Variants in PAIP1 observed in about 807,000 individuals in gnomAD.
The protein encoded by PAIP1 is poly(A) binding protein interacting protein 1.
Under a neutral mutation model 61.3 loss-of-function variants are expected in PAIP1, and 16 were observed. The ratio of observed to expected loss-of-function variants is 0.26; its 90% confidence interval spans 0.18 to 0.40. The LOEUF is 0.40. PAIP1 is among the 10% of genes least tolerant of loss of function. The pLI is 1.00. For synonymous variants in PAIP1, 187 were observed against 226.2 expected, an observed-to-expected ratio of 0.83 and a Z score of 1.56; for missense variants, 416 against 600.9, an observed-to-expected ratio of 0.69 and a Z score of 3.22.
intron 1 of PAIP1, 170 bp from the exon 2 acceptor site, chr5:43,556,169 C>A (rs1195803341): frequency 1.4e-6 from 2 of 1,404,572 alleles, no homozygotes; most frequent in Admixed American, 3.1e-5. Context: ...CAAAAAGGAA[C>A]AATAGACTTG....
rs1002403168 is a variant in PAIP1, at chr5:43,555,987, G to A, written c.278C>T (p.Pro93Leu). Residue 93 changes from proline to leucine, a missense_variant, in exon 2 of 11, where the codon CCC becomes CTC. By Grantham distance (98) the Pro-to-Leu change is moderately conservative. Around this residue, in one of 4 missense-constraint regions of PAIP1, gnomAD observed 180 missense variants for 211.2 expected, o/e 0.85. Coordinates refer to ENST00000306846, the MANE Select transcript of PAIP1 (RefSeq NM_006451.5). ...RPGALPEQTR[P>L]LRAPPSSQDK... ...CTGTGAACTAGGTGGAGCTCTCAGG[G>A]GCCTCGTTTGCTCTGCAAAAGAAAA... 33 of 1,611,800 alleles carry A rather than the reference G, an allele frequency of 2.0e-5. No individual in the cohort carries two copies. The highest frequency in any genetic ancestry group is 1.1e-4 in the African/African-American group (8 of 74,740).
intron 10 of PAIP1, 74 bp downstream of exon 10, chr5:43,529,712 A>T: frequency 2.4e-6 from 2 of 829,578 alleles, no homozygotes; most frequent in Non-Finnish European, 4.3e-6. Context: ...TTCCTTCATG[A>T]GCTACTTTGT....
chr5:43,535,538 T>G lies in PAIP1; in HGVS notation c.1075A>C (p.Ser359Arg). 6.7e-7 allele frequency: 1 copy of G among 1,502,142 alleles called. No individual in the cohort carries two copies. Among genetic ancestry groups the G allele is most frequent in the Non-Finnish European group, 9.3e-7 (1 of 1,080,036 alleles). The allele number at this position is 1,502,142 out of a possible 1,614,324, so 93.1% of individuals were successfully genotyped here. ...TTACATTACTTCTTTTCCTACCTAC[T>G]GCAGTTTGCATCTAGGACAACGTTT... is the stretch of plus-strand genomic sequence containing the variant. The part of the protein sequence containing the change: ...IENVVLDANC[S>R]RDVKQMLLKL... Residue 359 changes from serine to arginine, a missense_variant, in exon 7 of 11, where the codon AGT becomes CGT. Physicochemically the swap from Ser to Arg is moderately radical, Grantham distance 110. Coordinates refer to ENST00000306846, the MANE Select transcript of PAIP1 (RefSeq NM_006451.5).
intron 2 of PAIP1, among the ~76,000 whole-genome samples, chr5:43,553,011 G>A (rs1747923832): frequency 6.6e-6 from 1 of 152,098 alleles, no homozygotes; most frequent in Non-Finnish European, 1.5e-5. Context: ...CTGCAAGGCA[G>A]AACAAAAACT....
chr5:43,544,312 A>G (rs1318881994), intron 3 of PAIP1, among the ~76,000 whole-genome samples: 1 of 152,158 alleles, frequency 6.6e-6, no homozygotes, highest in African/African-American at 2.4e-5. Context: ...TGGGGCCAGT[A>G]TATGTCACAT....
chr5:43,537,019 T>C (rs868710984), intron 5 of PAIP1, 75 bp from the exon 6 acceptor site: 4 of 1,070,248 alleles, frequency 3.7e-6, no homozygotes, highest in Middle Eastern at 2.1e-4. Context: ...ACTAACAAGG[T>C]GTTGGCAAAA....
In PAIP1 at chr5:43,527,283, T is replaced by C; in HGVS notation, c.*93A>G. On this transcript the variant is annotated 3_prime_UTR_variant, in exon 11 of 11. Coordinates refer to ENST00000306846, the MANE Select transcript of PAIP1 (RefSeq NM_006451.5). ...AGTAACATAACTCAACATCCTTAAT[T>C]TGGTATAGATGTGACATTTTCTTGC... 1.7e-6 allele frequency: 1 copy of C among 595,508 alleles called. No homozygotes were observed. The highest frequency in any genetic ancestry group is 2.5e-6 in the Non-Finnish European group (1 of 407,888). The allele number at this position is 595,508 out of a possible 1,614,324, so 36.9% of individuals were successfully genotyped here.
chr5:43,541,499 CAGAG>C (rs1284580211), intron 4 of PAIP1, among the ~76,000 whole-genome samples: 1 of 149,620 alleles, frequency 6.7e-6, no homozygotes, highest in African/African-American at 2.5e-5. Flanking sequence ...GATTTCAGCA[CAGAG>C]AGTGAGATGG....
intron 5 of PAIP1, among the ~76,000 whole-genome samples, chr5:43,538,612 G>C (rs2112392919): frequency 6.6e-6 from 1 of 152,240 alleles, no homozygotes; most frequent in African/African-American, 2.4e-5. Flanking sequence ...TAATATATAA[G>C]ATGTAAGAAC....
At chr5:43,539,732 C>T (rs1747321086) in intron 4 of PAIP1, among the ~76,000 whole-genome samples, 2 of 152,174 alleles carry the variant, frequency 1.3e-5, no homozygotes, top group Admixed American at 1.3e-4. Context: ...AAGAAATCCT[C>T]TTCTTGGAGC....
chr5:43,554,153 G>A (rs1011796895), intron 2 of PAIP1, among the ~76,000 whole-genome samples: 4 of 152,080 alleles, frequency 2.6e-5, no homozygotes, highest in Non-Finnish European at 2.9e-5. Flanking sequence ...TATACTGCTC[G>A]ACAGCCCCAA....
intron 2 of PAIP1, among the ~76,000 whole-genome samples, chr5:43,550,837 C>CAAAAAAAAAAAAAAAAAA (rs373730839): frequency 4.8e-4 from 24 of 49,558 alleles, no homozygotes; most frequent in Non-Finnish European, 6.5e-4. Context: ...AAATATACTA[C>CAAAAAAAAAAAAAAAAAA]AAAAAAAAAA....
chr5:43,542,131 G>A (rs1379435100), intron 4 of PAIP1, among the ~76,000 whole-genome samples: 8 of 150,598 alleles, frequency 5.3e-5, no homozygotes, highest in African/African-American at 2.0e-4. Flanking sequence ...AGCCAAGACT[G>A]AGCCACTGCA....
In PAIP1 at chr5:43,543,070, T is replaced by C. The variant is rs1217351323; in HGVS notation, c.668A>G (p.Asn223Ser). 1.9e-6 allele frequency: 3 copies of C among 1,611,158 alleles called. No individual in the cohort carries two copies. The highest frequency in any genetic ancestry group is 2.5e-6 in the Non-Finnish European group (3 of 1,177,568). The change falls in exon 4 of 11, where the codon AAT becomes AGT. Residue 223 changes from asparagine to serine, a missense_variant. By Grantham distance (46) the Asn-to-Ser change is conservative. This residue lies in a region of PAIP1 where 180 missense variants were observed against 211.2 expected (regional missense o/e 0.85). Coordinates refer to ENST00000306846, the MANE Select transcript of PAIP1 (RefSeq NM_006451.5). ...AATTGTCAGATGATGGGACAGGTAA[T>C]TACACAGGCGAGCTCCCATATAAGA... Reference protein sequence around the residue: ...NFSYMGARLCNYLSHHLTISP... With the variant: ...NFSYMGARLCSYLSHHLTISP...
At chr5:43,550,086 A>G (rs1747803579) in intron 2 of PAIP1, among the ~76,000 whole-genome samples, 1 of 152,162 alleles carries the variant, frequency 6.6e-6, no homozygotes, top group Non-Finnish European at 1.5e-5. Flanking sequence ...AGAGGCAGTC[A>G]GGAAGTAAAA....
chr5:43,534,739 C>T, intron 8 of PAIP1, 114 bp downstream of exon 8: 1 of 661,220 alleles, frequency 1.5e-6, no homozygotes. Context: ...CACTCAAAGC[C>T]AGTGAAGACA....
In PAIP1 at chr5:43,556,828, G is replaced by T. The variant is rs74693632; in HGVS notation, c.19C>A (p.Arg7=). The change falls in exon 1 of 11, where the codon CGG becomes AGG. Residue 7 remains arginine (R), a synonymous_variant. Transcript: ENST00000306846. ...CGGCCCCGACCAGCACCTGGGGCCC[G>T]ATCGAAACCGTCCGACATGCTCCTC... MSDGFD[R]APGAGRGRSR... is the part of the protein sequence containing the mutation. 877 of 1,450,826 alleles carry T rather than the reference G, an allele frequency of 6.0e-4. 3 individuals are homozygous for T. In the African/African-American group the frequency reaches 0.012, roughly 20 times the overall value. 89.9% of individuals were successfully genotyped at this position (1,450,826 alleles called of 1,614,324 possible). A position where few individuals can be genotyped will look rare whatever the true frequency, so the allele number is the denominator to read the frequency against.
At chr5:43,548,732 A>C (rs1747741240) in intron 2 of PAIP1, among the ~76,000 whole-genome samples, 1 of 152,226 alleles carries the variant, frequency 6.6e-6, no homozygotes, top group African/African-American at 2.4e-5. Context: ...AAAGTTTACC[A>C]AACAGTTAAA....
chr5:43,550,250 T>G (rs1167356916), intron 2 of PAIP1, among the ~76,000 whole-genome samples: 1 of 152,188 alleles, frequency 6.6e-6, no homozygotes, highest in African/African-American at 2.4e-5. Flanking sequence ...GTTGATGCAT[T>G]TATTTACTAA....
Sources: allele counts gnomAD v4.1 joint callset (sites outside exome capture counted in the v4.1 genomes callset), GRCh38; gene constraint gnomAD v4.1.1; regional missense constraint gnomAD v4.1.1; transcripts MANE v1.5; gene names NCBI Gene and HGNC (gene_info 2026-07-23, HGNC 2026-07-21).